Variants in CNTN5 observed in about 807,000 individuals in gnomAD.
The protein encoded by CNTN5 is contactin 5.
CNTN5 carries 77 observed loss-of-function variants against 129.1 expected under a neutral mutation model. The observed-to-expected ratio is 0.60, with a 90% CI of 0.50 to 0.72. The LOEUF is 0.72. CNTN5 is among the 30% of genes least tolerant of loss of function. The probability of loss-of-function intolerance (pLI) is 0.00; values close to 1 mark genes in which losing one functional copy is unlikely to be tolerated. For missense variants in CNTN5, 1,478 were observed against 1,328.8 expected, an observed-to-expected ratio of 1.11 and a Z score of -1.75; for synonymous variants, 509 against 465.6, an observed-to-expected ratio of 1.09 and a Z score of -1.20.
chr11:99,888,238 G>T (rs796203457), intron 6 of CNTN5, among the ~76,000 whole-genome samples: 4 of 152,220 alleles, frequency 2.6e-5, no homozygotes, highest in African/African-American at 9.6e-5. Context: ...TTCCTGAATT[G>T]CTAAGGAGAA....
chr11:99,151,861 G>A (rs142515776), intron 1 of CNTN5, among the ~76,000 whole-genome samples: 2,667 of 152,088 alleles, frequency 0.018, 59 homozygotes, highest in African/African-American at 0.055. Flanking sequence ...ATCACACACC[G>A]GGGCCTGTCA....
At chr11:99,380,436 ATTAAC>A (rs1294407690) in intron 2 of CNTN5, among the ~76,000 whole-genome samples, 6 of 152,164 alleles carry the variant, frequency 3.9e-5, no homozygotes, top group African/African-American at 9.7e-5. Flanking sequence ...TGTTTCTACT[ATTAAC>A]TTAAACAAGA....
intron 2 of CNTN5, among the ~76,000 whole-genome samples, chr11:99,462,360 C>CTTTTTTTTTTTTTTTTTTTTTTTTTTT (rs72276833): frequency 4.0e-5 from 5 of 125,278 alleles, no homozygotes; most frequent in Non-Finnish European, 8.4e-5. Flanking sequence ...CTTTTCTTTT[C>CTTTTTTTTTTTTTTTTTTTTTTTTTTT]TTTTTTTTTT....
chr11:99,622,694 T>G (rs10501921), intron 3 of CNTN5, among the ~76,000 whole-genome samples: 29,946 of 152,022 alleles, frequency 0.2, 3,197 homozygotes, highest in South Asian at 0.32. Context: ...TTCATTGTAT[T>G]CTTAAATTTG....
At chr11:99,870,739 A>C (rs1482323678) in intron 6 of CNTN5, among the ~76,000 whole-genome samples, 1 of 152,092 alleles carries the variant, frequency 6.6e-6, no homozygotes, top group Non-Finnish European at 1.5e-5. Context: ...CAGTGATCTC[A>C]CCAAAACCTT....
At chr11:99,780,587 G>A (rs923967837) in intron 3 of CNTN5, among the ~76,000 whole-genome samples, 2 of 152,046 alleles carry the variant, frequency 1.3e-5, no homozygotes, top group Admixed American at 1.3e-4. Context: ...TGTAGTCCAA[G>A]AGAGTTTATT....
At chr11:99,633,071 G>A (rs1460918717) in intron 3 of CNTN5, among the ~76,000 whole-genome samples, 1 of 152,070 alleles carries the variant, frequency 6.6e-6, no homozygotes, top group Non-Finnish European at 1.5e-5. Flanking sequence ...GTCAGGTCAT[G>A]GTGAAATGGG....
intron 7 of CNTN5, among the ~76,000 whole-genome samples, chr11:99,919,461 T>C (rs1230229971): frequency 1.3e-5 from 2 of 152,184 alleles, no homozygotes; most frequent in African/African-American, 2.4e-5. Flanking sequence ...ACATGATTTT[T>C]GGTTTCCCTT....
At chr11:99,236,610 A>T (rs1038986853) in intron 1 of CNTN5, among the ~76,000 whole-genome samples, 1 of 152,142 alleles carries the variant, frequency 6.6e-6, no homozygotes, top group African/African-American at 2.4e-5. Flanking sequence ...TCATTGGTAA[A>T]ATGCAGATAG....
At chr11:100,305,212 T>A (rs1384717690) in intron 20 of CNTN5, among the ~76,000 whole-genome samples, 1 of 151,596 alleles carries the variant, frequency 6.6e-6, no homozygotes, top group African/African-American at 2.4e-5. Context: ...TAAATTAACC[T>A]CTGTACGTTT....
At chr11:99,243,911 T>C (rs1396027635) in intron 1 of CNTN5, among the ~76,000 whole-genome samples, 1 of 152,052 alleles carries the variant, frequency 6.6e-6, no homozygotes, top group African/African-American at 2.4e-5. Context: ...TGCCTCCAGC[T>C]GTATTCTTTT....
chr11:100,195,341 G>C (rs1591379561), intron 15 of CNTN5, among the ~76,000 whole-genome samples: 1 of 151,972 alleles, frequency 6.6e-6, no homozygotes, highest in South Asian at 2.1e-4. Context: ...GAATGTACCT[G>C]GTGAAGTTAC....
intron 2 of CNTN5, among the ~76,000 whole-genome samples, chr11:99,460,498 A>C (rs1344189453): frequency 6.6e-6 from 1 of 152,016 alleles, no homozygotes; most frequent in Non-Finnish European, 1.5e-5. Context: ...CATAAGGAAT[A>C]CTACAAGGAA....
At chr11:99,165,753 A>G (rs1164813621) in intron 1 of CNTN5, among the ~76,000 whole-genome samples, 2 of 152,140 alleles carry the variant, frequency 1.3e-5, no homozygotes, top group Admixed American at 1.3e-4. Context: ...CTCAGGTCAA[A>G]ATAAGAGATC....
chr11:99,167,394 A>G (rs1443990757), intron 1 of CNTN5, among the ~76,000 whole-genome samples: 1 of 152,198 alleles, frequency 6.6e-6, no homozygotes, highest in Non-Finnish European at 1.5e-5. Flanking sequence ...GGAATTATAC[A>G]AATATTTGCT....
At chr11:99,085,994 A>G (rs1865991433) in intron 1 of CNTN5, among the ~76,000 whole-genome samples, 1 of 152,230 alleles carries the variant, frequency 6.6e-6, no homozygotes, top group Non-Finnish European at 1.5e-5. Flanking sequence ...CCTAGGAGCA[A>G]TAGGCACACC....
At chr11:100,257,334 G>T (rs1950093999) in intron 17 of CNTN5, among the ~76,000 whole-genome samples, 1 of 152,158 alleles carries the variant, frequency 6.6e-6, no homozygotes, top group Non-Finnish European at 1.5e-5. Context: ...AGAGCACCAG[G>T]GGGAAGGGGC....
chr11:99,921,984 G>A (rs1473122283), intron 7 of CNTN5, among the ~76,000 whole-genome samples: 1 of 152,020 alleles, frequency 6.6e-6, no homozygotes, highest in Non-Finnish European at 1.5e-5. Context: ...AAACTCTCTT[G>A]GGAAAATATA....
At chr11:99,470,278 A>G (rs1405870555) in intron 2 of CNTN5, among the ~76,000 whole-genome samples, 1 of 152,188 alleles carries the variant, frequency 6.6e-6, no homozygotes, top group Non-Finnish European at 1.5e-5. Flanking sequence ...TCCTACTCTC[A>G]TAAAATCAGA....
Sources: allele counts gnomAD v4.1 joint callset (sites outside exome capture counted in the v4.1 genomes callset), GRCh38; gene constraint gnomAD v4.1.1; transcripts MANE v1.5; gene names NCBI Gene and HGNC (gene_info 2026-07-23, HGNC 2026-07-21).